Variants in ENTHD1 observed in about 807,000 individuals in gnomAD.
ENTHD1 encodes the protein ENTH domain-containing protein 1.
ENTHD1 carries 23 observed loss-of-function variants against 39.1 expected under a neutral mutation model. The observed-to-expected ratio is 0.59, with a 90% confidence interval of 0.42 to 0.83. The LOEUF (loss-of-function observed/expected upper bound fraction) is 0.83, where lower values mean the gene tolerates loss of function less well. Among genes scored for constraint, ENTHD1 ranks in the 40% least tolerant of loss-of-function variants. The pLI, the probability that ENTHD1 is intolerant of heterozygous loss-of-function variation, is 0.00. For missense variants in ENTHD1, 624 were observed against 705.4 expected, an observed-to-expected ratio of 0.88 and a Z score of 1.31; for synonymous variants, 230 against 258.2, an observed-to-expected ratio of 0.89 and a Z score of 1.05.
chr22:39,792,718 T>C (rs1601597389), intron 5 of ENTHD1, among the ~76,000 whole-genome samples: 1 of 152,300 alleles, frequency 6.6e-6, no homozygotes, highest in Middle Eastern at 3.4e-3. Flanking sequence ...CTTGACAAAC[T>C]GGCTCTATCT....
At chr22:39,834,569 A>G (rs2065894306) in intron 4 of ENTHD1, among the ~76,000 whole-genome samples, 1 of 152,222 alleles carries the variant, frequency 6.6e-6, no homozygotes, top group South Asian at 2.1e-4. Context: ...TCTGGAAAAT[A>G]GTTTGACTAT....
In ENTHD1 at chr22:39,821,110, G is replaced by C. The variant is rs1395592965; in HGVS notation, c.715C>G (p.Leu239Val). Residue 239 changes from leucine (L) to valine (V), a missense_variant, in exon 5 of 7, where the codon CTG (leucine) becomes GTG (valine). Physicochemically the swap from Leu to Val is conservative, Grantham distance 32. Coordinates refer to ENST00000325157, the MANE Select transcript of ENTHD1 (RefSeq NM_152512.4). The part of the protein sequence containing the change: ...KIHGWKSTED[L>V]MTFLDDDPEL... ...GGATCATCATCCAAAAATGTCATCA[G>C]GTCCTGACAGAAAACACAAGAACAT... The C allele has an allele frequency of 2.5e-6, 4 of 1,613,668 alleles. No individual in the cohort carries two copies. In the Admixed American group the frequency reaches 5.0e-5, roughly 20 times the overall value.
chr22:39,748,595 T>G (rs5757786), intron 6 of ENTHD1, among the ~76,000 whole-genome samples: 2,318 of 151,954 alleles, frequency 0.015, 36 homozygotes, highest in East Asian at 0.075. Context: ...TATTTTTTTT[T>G]TGTGTTTTTA....
intron 1 of ENTHD1, among the ~76,000 whole-genome samples, chr22:39,890,363 G>GT (rs149723031): frequency 1.3e-4 from 19 of 150,330 alleles, no homozygotes; most frequent in African/African-American, 2.9e-4. Context: ...AAGCAGGAGG[G>GT]TTTTTTTTTC....
At position 39,845,283 on chromosome 22, in the gene ENTHD1, C is replaced by A. The variant is rs531348014; in HGVS notation, c.593-9325G>T. Among the ~76,000 whole-genome samples, 312 of 152,294 alleles carry A rather than the reference C, an allele frequency of 2.0e-3. 2 individuals carry two copies. Among genetic ancestry groups the A allele is most frequent in the African/African-American group, 7.1e-3 (294 of 41,554 alleles). ...CCCCATTTTACAGAAGGTGAAATTA[C>A]AGCACAAGGGCTTAAGTAGCCAGTC... is the stretch of plus-strand genomic sequence containing the variant. On this transcript the variant is annotated intron_variant, in intron 3 of 6. Coordinates refer to ENST00000325157, the MANE Select transcript of ENTHD1 (RefSeq NM_152512.4).
intron 2 of ENTHD1, among the ~76,000 whole-genome samples, chr22:39,881,966 C>A (rs1472390752): frequency 1.3e-5 from 2 of 152,182 alleles, no homozygotes; most frequent in African/African-American, 4.8e-5. Context: ...CTCTTGATAA[C>A]CTGTAACTAG....
At position 39,761,934 on chromosome 22, in the gene ENTHD1, A is replaced by G. The variant is rs191139994; in HGVS notation, c.1219+3289T>C. On this transcript the variant is annotated intron_variant, in intron 6 of 6. Transcript: ENST00000325157. ...AAGGGTCAGTTTCTACTGACTCTTA[A>G]TATCTTCATTATGACCCATATTTTC... Among the ~76,000 whole-genome samples, 298 of 152,304 alleles carry G rather than the reference A, an allele frequency of 2.0e-3. 5 individuals are homozygous for G. Among genetic ancestry groups the G allele is most frequent in the Non-Finnish European group, 6.3e-4 (43 of 68,032 alleles).
intron 5 of ENTHD1, among the ~76,000 whole-genome samples, chr22:39,809,642 ACT>A (rs2065670408): frequency 6.6e-6 from 1 of 152,076 alleles, no homozygotes; most frequent in Non-Finnish European, 1.5e-5. Context: ...CTTGGAGGAC[ACT>A]CTGTTCACTA....
chr22:39,818,189 A>G (rs114807004), intron 5 of ENTHD1, among the ~76,000 whole-genome samples: 125 of 152,330 alleles, frequency 8.2e-4, no homozygotes, highest in African/African-American at 2.9e-3. Context: ...CTACATGGAA[A>G]GACCACATGA....
intron 3 of ENTHD1, among the ~76,000 whole-genome samples, chr22:39,837,378 T>C (rs2065914229): frequency 6.6e-6 from 1 of 152,230 alleles, no homozygotes; most frequent in Non-Finnish European, 1.5e-5. Context: ...ATCAGGCTAG[T>C]TCTTTCCCCT....
At chr22:39,873,462 C>A (rs961888936) in intron 2 of ENTHD1, among the ~76,000 whole-genome samples, 1 of 152,092 alleles carries the variant, frequency 6.6e-6, no homozygotes, top group South Asian at 2.1e-4. Context: ...TTTTAAGACT[C>A]AACTAGGAGA....
intron 5 of ENTHD1, among the ~76,000 whole-genome samples, chr22:39,780,925 G>A (rs1350520759): frequency 6.6e-6 from 1 of 151,544 alleles, no homozygotes; most frequent in African/African-American, 2.4e-5. Context: ...TGTGAACCCA[G>A]GAGGGGGAGC....
At chr22:39,870,255 T>C (rs2066231022) in intron 2 of ENTHD1, among the ~76,000 whole-genome samples, 1 of 151,962 alleles carries the variant, frequency 6.6e-6, no homozygotes, top group African/African-American at 2.4e-5. Flanking sequence ...GTGATCCACC[T>C]GCCTTGACCT....
chr22:39,866,713 A>G (rs2146734379), intron 2 of ENTHD1, among the ~76,000 whole-genome samples: 1 of 152,354 alleles, frequency 6.6e-6, no homozygotes, highest in South Asian at 2.1e-4. Flanking sequence ...ACACTGTCAC[A>G]GTACCTTACC....
At chr22:39,830,183 C>A (rs930546393) in intron 4 of ENTHD1, among the ~76,000 whole-genome samples, 2 of 152,220 alleles carry the variant, frequency 1.3e-5, no homozygotes, top group Non-Finnish European at 2.9e-5. Flanking sequence ...TCAAACAATT[C>A]TCCTGCCTCA....
At chr22:39,762,614 G>A (rs1023247098) in intron 6 of ENTHD1, among the ~76,000 whole-genome samples, 2 of 151,864 alleles carry the variant, frequency 1.3e-5, no homozygotes, top group East Asian at 3.9e-4. Context: ...ACCACATCTG[G>A]CTAATATGTA....
chr22:39,775,273 C>T (rs1449595762), intron 5 of ENTHD1, among the ~76,000 whole-genome samples: 1 of 152,190 alleles, frequency 6.6e-6, no homozygotes, highest in Non-Finnish European at 1.5e-5. Context: ...GCAAACCCCT[C>T]AGGTCACAGA....
intron 3 of ENTHD1, among the ~76,000 whole-genome samples, chr22:39,858,075 T>G (rs2066109410): frequency 6.6e-6 from 1 of 152,230 alleles, no homozygotes; most frequent in African/African-American, 2.4e-5. Context: ...TGTGATGCTG[T>G]TTGATAGCAT....
chr22:39,745,148 C>T (rs1251538297), intron 6 of ENTHD1, among the ~76,000 whole-genome samples: 10 of 152,176 alleles, frequency 6.6e-5, no homozygotes, highest in Admixed American at 6.5e-4. Flanking sequence ...TCTGAGAAAT[C>T]TTCGGTAATT....
Sources: gnomAD v4.1 joint callset for allele counts (sites outside exome capture counted in the v4.1 genomes callset) on GRCh38, gnomAD v4.1.1 for gene constraint, MANE v1.5 for transcripts, NCBI Gene and HGNC (gene_info 2026-07-23, HGNC 2026-07-21) for gene names.